FAM114A2: variants seen among roughly 807,000 people sequenced by gnomAD.
The protein encoded by FAM114A2 is family with sequence similarity 114 member A2.
A neutral mutation model predicts 58.4 loss-of-function variants in FAM114A2; 53 were observed. That is an observed-to-expected ratio of 0.91 (90% CI 0.73 to 1.14). The LOEUF (loss-of-function observed/expected upper bound fraction) is 1.14. FAM114A2 is among the 50% of genes most tolerant of loss of function. FAM114A2 has a pLI of 0.00. For synonymous variants in FAM114A2, 228 were observed against 211.4 expected (o/e 1.08, Z -0.68); for missense variants, 601 against 581.1 (o/e 1.03, Z -0.35).
chr5:154,017,406 C>T lies in FAM114A2; in HGVS notation c.914-6086G>A, dbSNP rs560152172. ...GCGGTGAGCCGAGATCGTGCCATTG[C>T]ACTCCAGCCTGGGCAACAAGAGCGA... On this transcript the variant is annotated intron_variant, in intron 8 of 13. Coordinates refer to ENST00000351797, the MANE Select transcript of FAM114A2 (RefSeq NM_018691.4). Among the ~76,000 whole-genome samples the T allele has an allele frequency of 2.6e-5, 4 of 152,296 alleles. No individual in the cohort carries two copies. In the East Asian group the frequency reaches 7.7e-4, roughly 29 times the overall value.
chr5:154,026,277 A>G (rs1336532798), intron 8 of FAM114A2, 122 bp downstream of exon 8: 1 of 722,560 alleles, frequency 1.4e-6, no homozygotes, highest in Non-Finnish European at 2.0e-6. Context: ...TTGCATAAAA[A>G]TTTTCACCAA....
intron 1 of FAM114A2, chr5:154,037,030 A>G (rs539921597): frequency 6.6e-6 from 1 of 152,182 alleles, no homozygotes; most frequent in African/African-American, 2.4e-5. Flanking sequence ...ACTTCACTCA[A>G]ATTATGCTAC....
chr5:154,032,204 T>C (rs145656862), intron 4 of FAM114A2, among the ~76,000 whole-genome samples: 292 of 152,344 alleles, frequency 1.9e-3, no homozygotes, highest in African/African-American at 6.9e-3. Context: ...AATATTGAAG[T>C]CACCAGACCC....
At chr5:154,017,200 T>A (rs1771094457) in intron 8 of FAM114A2, among the ~76,000 whole-genome samples, 1 of 152,216 alleles carries the variant, frequency 6.6e-6, no homozygotes, top group African/African-American at 2.4e-5. Context: ...CCCAGCATTT[T>A]GGGAGGCCGA....
At chr5:154,008,628 G>A (rs1770497478) in intron 9 of FAM114A2, among the ~76,000 whole-genome samples, 1 of 151,948 alleles carries the variant, frequency 6.6e-6, no homozygotes, top group Admixed American at 6.6e-5. Flanking sequence ...AATGAATTCT[G>A]TAATTAGACT....
At chr5:154,028,072 C>A (rs1771915868) in intron 6 of FAM114A2, 77 bp downstream of exon 6, 4 of 1,254,988 alleles carry the variant, frequency 3.2e-6, no homozygotes, top group African/African-American at 1.5e-5. Context: ...AAAACACTAA[C>A]AAGGTTCCAA....
At chr5:154,017,719 A>G (rs1561560027) in intron 8 of FAM114A2, among the ~76,000 whole-genome samples, 1 of 152,226 alleles carries the variant, frequency 6.6e-6, no homozygotes, top group Non-Finnish European at 1.5e-5. Context: ...TAAATTAAAA[A>G]AAGTGAAATT....
At position 154,026,634 on chromosome 5, in the gene FAM114A2, T is replaced by C. The variant is rs915411638; in HGVS notation, c.790-112A>G. ...TATTGAAGTCAAAATTATGAGCTCA[T>C]CAGCCAGCACAAGTTATTCCTTAAG... On this transcript the variant is annotated intron_variant, in intron 7 of 13. Coordinates refer to ENST00000351797, the MANE Select transcript of FAM114A2 (RefSeq NM_018691.4). The C allele has an allele frequency of 4.7e-6, 3 of 632,814 alleles. No homozygotes were observed. In the African/African-American group the frequency reaches 5.7e-5, roughly 12 times the overall value. 39.2% of individuals were successfully genotyped at this position (632,814 alleles called of 1,614,324 possible).
chr5:153,990,260 A>C lies in FAM114A2; in HGVS notation c.*2716T>G, dbSNP rs933321333. On this transcript the variant is annotated 3_prime_UTR_variant, in exon 14 of 14. Transcript: ENST00000351797. ...AGAAAAATGTCTATTTCTCAAATGG[A>C]GATATCAATAGCAACTACCTATAAA... 7 of 152,212 alleles carry C rather than the reference A, an allele frequency of 4.6e-5. No homozygotes were observed. Among genetic ancestry groups the C allele is most frequent in the African/African-American group, 1.7e-4 (7 of 41,450 alleles). 9.4% of individuals were successfully genotyped at this position (152,212 alleles called of 1,614,324 possible).
intron 12 of FAM114A2, among the ~76,000 whole-genome samples, chr5:153,996,180 C>T (rs1769543331): frequency 6.6e-6 from 1 of 152,164 alleles, no homozygotes; most frequent in Non-Finnish European, 1.5e-5. Context: ...GACGATATGA[C>T]ACTGGCATTT....
chr5:153,993,036 C>T lies in FAM114A2; in HGVS notation c.1458G>A (p.Glu486=), dbSNP rs770891795. 11 of 1,613,442 alleles carry T rather than the reference C, an allele frequency of 6.8e-6. No individual in the cohort carries two copies. The highest frequency in any genetic ancestry group is 1.7e-6 in the Non-Finnish European group (2 of 1,179,534). ...LLPVLEISLI[E]NKIESHRHEL... ...CATGTCTGTGTGATTCAATCTTGTT[C>T]TCAATGAGAGAGATCTCTAGCACAG... Residue 486 remains glutamate (E), a synonymous_variant, in exon 14 of 14, where the codon GAG becomes GAA. Coordinates refer to ENST00000351797, the MANE Select transcript of FAM114A2 (RefSeq NM_018691.4).
chr5:154,015,044 A>T (rs1368975733), intron 8 of FAM114A2, among the ~76,000 whole-genome samples: 2 of 152,028 alleles, frequency 1.3e-5, no homozygotes, highest in Non-Finnish European at 2.9e-5. Flanking sequence ...TTCCCTGACA[A>T]CCTGCATGAC....
At chr5:154,005,689 TTC>T (rs772516582) in intron 9 of FAM114A2, among the ~76,000 whole-genome samples, 1 of 152,178 alleles carries the variant, frequency 6.6e-6, no homozygotes, top group Non-Finnish European at 1.5e-5. Context: ...TTAAATTAGT[TTC>T]TGTTATTTTT....
intron 12 of FAM114A2, among the ~76,000 whole-genome samples, chr5:153,997,543 T>C (rs574830921): frequency 2.0e-5 from 3 of 152,104 alleles, no homozygotes; most frequent in African/African-American, 7.2e-5. Flanking sequence ...AGCAGCCAAA[T>C]CTATAGAGAA....
chr5:154,033,973 G>A, intron 3 of FAM114A2, 90 bp from the exon 4 acceptor site: 2 of 785,618 alleles, frequency 2.5e-6, no homozygotes, highest in Non-Finnish European at 4.3e-6. Context: ...AATCATTTAG[G>A]ACCACAAGAC....
chr5:153,999,002 GAGA>G (rs1459395405), intron 11 of FAM114A2, among the ~76,000 whole-genome samples: 5 of 152,192 alleles, frequency 3.3e-5, no homozygotes, highest in East Asian at 1.9e-4. Flanking sequence ...GTAAAACTGT[GAGA>G]AGGAGAAAGA....
intron 3 of FAM114A2, 83 bp downstream of exon 3, chr5:154,034,195 G>T: frequency 2.3e-6 from 2 of 868,892 alleles, no homozygotes; most frequent in Admixed American, 5.1e-5. Context: ...GAAGGAAGAA[G>T]AATTTTAACC....
Position 153,992,616 on chromosome 5 carries a change from T to C in FAM114A2, c.*360A>G, listed in dbSNP as rs2289265. 1,047 of 162,472 alleles carry C rather than the reference T, an allele frequency of 6.4e-3. 41 individuals carry two copies. In the East Asian group the frequency reaches 0.11, roughly 18 times the overall value. 10.1% of individuals were successfully genotyped at this position (162,472 alleles called of 1,614,324 possible). On this transcript the variant is annotated 3_prime_UTR_variant, in exon 14 of 14. Transcript: ENST00000351797. ...TTTTCTCTGGCTTATCAACCAGTTA[T>C]ATCCATGGGCTGCAAATTATATCCA... is the stretch of plus-strand genomic sequence containing the variant.
At chr5:154,018,403 C>T (rs1465260243) in intron 8 of FAM114A2, among the ~76,000 whole-genome samples, 2 of 151,856 alleles carry the variant, frequency 1.3e-5, no homozygotes, top group Non-Finnish European at 2.9e-5. Context: ...AGCAGCAAGA[C>T]TGAAATGGTA....
Sources: allele counts gnomAD v4.1 joint callset (sites outside exome capture counted in the v4.1 genomes callset), GRCh38; gene constraint gnomAD v4.1.1; transcripts MANE v1.5; gene names NCBI Gene and HGNC (gene_info 2026-07-23, HGNC 2026-07-21).